The following FAM193A variants were observed in gnomAD, a reference collection of about 807,000 sequenced individuals.
The protein encoded by FAM193A is protein FAM193A.
A neutral mutation model predicts 126.5 loss-of-function variants in FAM193A; 22 were observed. The observed-to-expected ratio is 0.17, with a 90% CI of 0.12 to 0.25. The LOEUF is 0.25. Among genes scored for constraint, FAM193A ranks in the 10% least tolerant of loss-of-function variants. The probability of loss-of-function intolerance (pLI) is 1.00; values close to 1 mark genes in which losing one functional copy is unlikely to be tolerated. For synonymous variants in FAM193A, 761 were observed against 646.8 expected (o/e 1.18, Z -2.68); for missense variants, 1,675 against 1,672.8 (o/e 1.00, Z -0.02).
intron 13 of FAM193A, among the ~76,000 whole-genome samples, chr4:2,688,705 G>A (rs1459476958): frequency 6.6e-6 from 1 of 152,250 alleles, no homozygotes; most frequent in Non-Finnish European, 1.5e-5. Flanking sequence ...GAAGGACTGG[G>A]AAGAGTTCGT....
At chr4:2,685,841 G>T (rs1475931692) in intron 13 of FAM193A, among the ~76,000 whole-genome samples, 4 of 152,194 alleles carry the variant, frequency 2.6e-5, no homozygotes, top group Non-Finnish European at 5.9e-5. Context: ...GCAGTTTGTT[G>T]TGTTTGCATA....
At chr4:2,594,143 C>T (rs1451158857) in intron 1 of FAM193A, among the ~76,000 whole-genome samples, 1 of 152,112 alleles carries the variant, frequency 6.6e-6, no homozygotes, top group Non-Finnish European at 1.5e-5. Flanking sequence ...ATATGAACAT[C>T]TTTTGAGTCT....
intron 6 of FAM193A, among the ~76,000 whole-genome samples, chr4:2,640,286 C>G (rs961889199): frequency 6.6e-6 from 1 of 152,122 alleles, no homozygotes. Flanking sequence ...CGTTGCTACC[C>G]GAGGCTCTGT....
chr4:2,561,290 T>C (rs1025370524), intron 1 of FAM193A, among the ~76,000 whole-genome samples: 1 of 148,524 alleles, frequency 6.7e-6, no homozygotes, highest in Non-Finnish European at 1.5e-5. Context: ...CAGGCAGTTC[T>C]CCCATGTCAG....
chr4:2,697,108 A>G (rs983968569), intron 18 of FAM193A, among the ~76,000 whole-genome samples: 5 of 152,116 alleles, frequency 3.3e-5, no homozygotes, highest in Admixed American at 2.0e-4. Flanking sequence ...CATTGATTAG[A>G]GGGGAGGAAA....
At position 2,631,095 on chromosome 4, in the gene FAM193A, A is replaced by G; in HGVS notation, c.964A>G (p.Ile322Val). 4 of 1,613,846 alleles carry G rather than the reference A, an allele frequency of 2.5e-6. No individual in the cohort carries two copies. The highest frequency in any genetic ancestry group is 3.4e-6 in the Non-Finnish European group (4 of 1,179,984). Reference protein sequence around the residue: ...LQGPPQAHQFISLLLEEYGAL... With the variant: ...LQGPPQAHQFVSLLLEEYGAL... The stretch of plus-strand genomic sequence containing the variant: ...GGGCCCGCCGCAAGCGCACCAGTTC[A>G]TCTCCCTCCTGCTTGAGGAGTACGG... The change falls in exon 5 of 21, where the codon ATC becomes GTC. Residue 322 changes from isoleucine (I) to valine (V), a missense_variant. Physicochemically the swap from Ile to Val is conservative, Grantham distance 29. Transcript: ENST00000637812.
At chr4:2,594,702 GT>G (rs1216724526) in intron 1 of FAM193A, among the ~76,000 whole-genome samples, 2 of 151,974 alleles carry the variant, frequency 1.3e-5, no homozygotes, top group Non-Finnish European at 2.9e-5. Flanking sequence ...TTAGGATTGG[GT>G]TGATACGGGT....
chr4:2,609,974 G>A (rs1379382747), intron 2 of FAM193A, among the ~76,000 whole-genome samples: 2 of 150,422 alleles, frequency 1.3e-5, no homozygotes, highest in East Asian at 3.9e-4. Flanking sequence ...GCTCACTCCT[G>A]TAATCCCAGC....
intron 1 of FAM193A, among the ~76,000 whole-genome samples, chr4:2,539,696 T>C (rs1241774710): frequency 6.6e-6 from 1 of 152,098 alleles, no homozygotes; most frequent in Non-Finnish European, 1.5e-5. Flanking sequence ...CCTGAGCCAC[T>C]GCACCTGGCC....
Position 2,732,287 on chromosome 4 carries a change from C to G in FAM193A, c.*419C>G, listed in dbSNP as rs1721489697. 1 of 208,882 alleles carries G rather than the reference C, an allele frequency of 4.8e-6. No homozygotes were observed. The allele number at this position is 208,882 out of a possible 1,614,324, so 12.9% of individuals were successfully genotyped here. On this transcript the variant is annotated 3_prime_UTR_variant, in exon 21 of 21. Transcript: ENST00000637812. ...GCCCCTGCGTCTCACCCTAGGCGGG[C>G]TGGGCGGGGCAGGCCTCCTTTGTTC...
At chr4:2,542,666 CA>C (rs769929460) in intron 1 of FAM193A, among the ~76,000 whole-genome samples, 7 of 152,164 alleles carry the variant, frequency 4.6e-5, no homozygotes, top group Non-Finnish European at 8.8e-5. Context: ...AAAACAGTAT[CA>C]ACCAGAAACA....
chr4:2,669,656 CT>C (rs1439795067), intron 12 of FAM193A, among the ~76,000 whole-genome samples: 1 of 152,134 alleles, frequency 6.6e-6, no homozygotes, highest in East Asian at 1.9e-4. Context: ...TTAGGAATAG[CT>C]TTAGACTCAC....
At chr4:2,654,549 A>G (rs1034997726) in intron 7 of FAM193A, 2 of 152,018 alleles carry the variant, frequency 1.3e-5, no homozygotes, top group Admixed American at 6.6e-5. Flanking sequence ...GTTCCAAAAA[A>G]AAAAAAATTT....
intron 2 of FAM193A, chr4:2,615,296 TA>T (rs1332864215): frequency 6.6e-6 from 1 of 152,228 alleles, no homozygotes; most frequent in Non-Finnish European, 1.5e-5. Context: ...TACATCATTT[TA>T]TTTGAGACCT....
chr4:2,579,833 G>A (rs1306140388), intron 1 of FAM193A, among the ~76,000 whole-genome samples: 1 of 152,214 alleles, frequency 6.6e-6, no homozygotes. Context: ...GTTGGTGCGA[G>A]TGTAAATTAG....
intron 19 of FAM193A, among the ~76,000 whole-genome samples, chr4:2,711,525 C>T (rs1045248796): frequency 8.6e-5 from 13 of 150,682 alleles, no homozygotes; most frequent in Middle Eastern, 6.8e-3. Context: ...TTTTTAGTAG[C>T]GACGGAGTTT....
At chr4:2,591,781 T>G (rs1740583195) in intron 1 of FAM193A, among the ~76,000 whole-genome samples, 1 of 152,190 alleles carries the variant, frequency 6.6e-6, no homozygotes, top group Non-Finnish European at 1.5e-5. Flanking sequence ...TTTAATGTCT[T>G]TTATGATACA....
chr4:2,721,596 GGAGGT>G, intron 20 of FAM193A, among the ~76,000 whole-genome samples: 1 of 152,376 alleles, frequency 6.6e-6, no homozygotes, highest in Middle Eastern at 3.4e-3. Flanking sequence ...CAAGACCAGA[GGAGGT>G]GCTGCTGCTT....
At chr4:2,664,843 G>A (rs1577165122) in intron 12 of FAM193A, among the ~76,000 whole-genome samples, 1 of 152,068 alleles carries the variant, frequency 6.6e-6, no homozygotes, top group Non-Finnish European at 1.5e-5. Flanking sequence ...GATTACAAGC[G>A]TGAGCCACTG....
Sources: allele counts gnomAD v4.1 joint callset (sites outside exome capture counted in the v4.1 genomes callset), GRCh38; gene constraint gnomAD v4.1.1; transcripts MANE v1.5; gene names NCBI Gene and HGNC (gene_info 2026-07-23, HGNC 2026-07-21).